Variants in ARHGAP15 observed in about 807,000 individuals in gnomAD.
ARHGAP15 encodes Rho GTPase activating protein 15, also known as rho GTPase-activating protein 15.
Under a neutral mutation model 63.7 loss-of-function variants are expected in ARHGAP15, and 51 were observed. The observed-to-expected ratio is 0.80, with a 90% CI of 0.64 to 1.01. The LOEUF (loss-of-function observed/expected upper bound fraction) is 1.01, where lower values mean the gene tolerates loss of function less well. Ranked by LOEUF, ARHGAP15 falls within the 50% of genes least tolerant of loss-of-function variation. ARHGAP15 has a pLI of 0.00. For synonymous variants in ARHGAP15, 191 were observed against 193.8 expected (o/e 0.99, Z 0.12); for missense variants, 560 against 564.6 (o/e 0.99, Z 0.08).
chr2:143,610,687 T>C (rs1574706061), intron 11 of ARHGAP15, among the ~76,000 whole-genome samples: 1 of 152,094 alleles, frequency 6.6e-6, no homozygotes, highest in Non-Finnish European at 1.5e-5. Context: ...TGGGCCATGA[T>C]GGCCTGAATC....
At chr2:143,356,348 A>G (rs749305445) in intron 6 of ARHGAP15, among the ~76,000 whole-genome samples, 1 of 152,156 alleles carries the variant, frequency 6.6e-6, no homozygotes, top group African/African-American at 2.4e-5. Context: ...TCTTTGTAAG[A>G]TGAATTAATA....
chr2:143,715,129 A>T (rs1684751745), intron 13 of ARHGAP15, among the ~76,000 whole-genome samples: 1 of 152,192 alleles, frequency 6.6e-6, no homozygotes, highest in Admixed American at 6.5e-5. Context: ...ATGGCTGGGG[A>T]GGCCTCAGAA....
intron 6 of ARHGAP15, among the ~76,000 whole-genome samples, chr2:143,316,332 G>C (rs1401518606): frequency 6.6e-6 from 1 of 151,438 alleles, no homozygotes; most frequent in East Asian, 1.9e-4. Flanking sequence ...TGGACCTACT[G>C]AATCAAAATC....
chr2:143,552,543 T>G (rs1167675605), intron 10 of ARHGAP15, among the ~76,000 whole-genome samples: 1 of 145,892 alleles, frequency 6.9e-6, no homozygotes, highest in African/African-American at 2.6e-5. Flanking sequence ...AGTCTAAGCT[T>G]CTTCAGGAGA....
intron 9 of ARHGAP15, among the ~76,000 whole-genome samples, chr2:143,513,657 T>C (rs530936483): frequency 6.6e-6 from 1 of 152,314 alleles, no homozygotes; most frequent in South Asian, 2.1e-4. Flanking sequence ...TCATAACCAT[T>C]CTGCTGCATT....
chr2:143,379,707 T>C (rs995857952), intron 6 of ARHGAP15, among the ~76,000 whole-genome samples: 2 of 151,816 alleles, frequency 1.3e-5, no homozygotes, highest in Non-Finnish European at 2.9e-5. Context: ...AAAAATTAAA[T>C]TGAAAATAAA....
intron 10 of ARHGAP15, among the ~76,000 whole-genome samples, chr2:143,533,616 GT>G (rs1694616965): frequency 6.6e-6 from 1 of 152,094 alleles, no homozygotes; most frequent in Non-Finnish European, 1.5e-5. Context: ...AGAGGATTTT[GT>G]TTTGTTTCAT....
chr2:143,348,747 AATC>A (rs1405907054), intron 6 of ARHGAP15, among the ~76,000 whole-genome samples: 2 of 152,170 alleles, frequency 1.3e-5, no homozygotes, highest in African/African-American at 2.4e-5. Context: ...GATTTTAAAT[AATC>A]ATTATAAAAT....
chr2:143,255,479 CT>C (rs1012980806), intron 6 of ARHGAP15, among the ~76,000 whole-genome samples: 16 of 152,038 alleles, frequency 1.1e-4, no homozygotes, highest in African/African-American at 3.6e-4. Context: ...GTATATTAAA[CT>C]TTTTTATGTA....
At chr2:143,743,587 A>T (rs1291672247) in intron 13 of ARHGAP15, among the ~76,000 whole-genome samples, 1 of 152,150 alleles carries the variant, frequency 6.6e-6, no homozygotes, top group African/African-American at 2.4e-5. Flanking sequence ...CTCTGCCATG[A>T]AAGCCATGTT....
chr2:143,727,700 A>G (rs1169714981), intron 13 of ARHGAP15, among the ~76,000 whole-genome samples: 2 of 152,174 alleles, frequency 1.3e-5, no homozygotes, highest in Non-Finnish European at 2.9e-5. Flanking sequence ...CATGCATTGT[A>G]ATGGTATGGA....
chr2:143,517,022 T>C (rs1202734286), intron 9 of ARHGAP15, among the ~76,000 whole-genome samples: 1 of 152,174 alleles, frequency 6.6e-6, no homozygotes, highest in Non-Finnish European at 1.5e-5. Flanking sequence ...CGATCTCAGC[T>C]CACTGCAACC....
chr2:143,563,637 T>C (rs1016778636), intron 11 of ARHGAP15, among the ~76,000 whole-genome samples: 1 of 152,198 alleles, frequency 6.6e-6, no homozygotes, highest in African/African-American at 2.4e-5. Context: ...GAAATTAAAT[T>C]AGTCAGAGTT....
chr2:143,356,329 G>C (rs939343678), intron 6 of ARHGAP15, among the ~76,000 whole-genome samples: 2 of 152,010 alleles, frequency 1.3e-5, no homozygotes, highest in Non-Finnish European at 2.9e-5. Context: ...TTTAGTTCTT[G>C]AGCAATGATC....
At chr2:143,449,560 T>C (rs1352731945) in intron 8 of ARHGAP15, among the ~76,000 whole-genome samples, 1 of 152,050 alleles carries the variant, frequency 6.6e-6, no homozygotes, top group Non-Finnish European at 1.5e-5. Context: ...AACGTAGCTG[T>C]TTTACTCGTA....
intron 11 of ARHGAP15, among the ~76,000 whole-genome samples, chr2:143,576,317 C>T (rs1696679509): frequency 6.6e-6 from 1 of 152,084 alleles, no homozygotes; most frequent in Non-Finnish European, 1.5e-5. Flanking sequence ...ACCTCTTATA[C>T]TAAATACAGT....
chr2:143,433,612 C>T (rs1347013928), intron 6 of ARHGAP15, among the ~76,000 whole-genome samples: 1 of 152,094 alleles, frequency 6.6e-6, no homozygotes, highest in Non-Finnish European at 1.5e-5. Context: ...AATGCAAACG[C>T]ACTGCTAAAG....
At chr2:143,555,528 C>T (rs1256549562) in intron 10 of ARHGAP15, among the ~76,000 whole-genome samples, 7 of 152,028 alleles carry the variant, frequency 4.6e-5, no homozygotes, top group Non-Finnish European at 1.0e-4. Context: ...TTTCCCTTTT[C>T]GTTTTCCTGT....
At chr2:143,570,568 T>TA (rs1236601509) in intron 11 of ARHGAP15, among the ~76,000 whole-genome samples, 8 of 152,224 alleles carry the variant, frequency 5.3e-5, no homozygotes, top group Non-Finnish European at 7.3e-5. Context: ...ACCATTTTTT[T>TA]ATTAAAGAAG....
Sources: allele counts gnomAD v4.1 joint callset (sites outside exome capture counted in the v4.1 genomes callset), GRCh38; gene constraint gnomAD v4.1.1; transcripts MANE v1.5; gene names NCBI Gene and HGNC (gene_info 2026-07-23, HGNC 2026-07-21).